Variants in PPFIBP1 observed in about 807,000 individuals in gnomAD.
The protein encoded by PPFIBP1 is liprin-beta-1.
In PPFIBP1, 112 loss-of-function variants were observed where a neutral mutation model predicts 137.8. That is an observed-to-expected ratio of 0.81 (90% CI 0.70 to 0.95). The LOEUF (loss-of-function observed/expected upper bound fraction) is 0.95. Among genes scored for constraint, PPFIBP1 ranks in the 40% least tolerant of loss-of-function variants. The pLI is 0.00. For synonymous variants in PPFIBP1, 378 were observed against 417.3 expected (o/e 0.91, Z 1.15); for missense variants, 1,083 against 1,196.6 (o/e 0.91, Z 1.40).
intron 1 of PPFIBP1, among the ~76,000 whole-genome samples, chr12:27,551,826 A>G (rs1946809915): frequency 6.6e-6 from 1 of 152,260 alleles, no homozygotes; most frequent in Non-Finnish European, 1.5e-5. Flanking sequence ...TTGAAATAAA[A>G]CAGTATGTTT....
At chr12:27,655,781 A>C (rs1014301538) in intron 8 of PPFIBP1, among the ~76,000 whole-genome samples, 1 of 152,244 alleles carries the variant, frequency 6.6e-6, no homozygotes, top group African/African-American at 2.4e-5. Flanking sequence ...ACATCTTCTC[A>C]TAGTACTAAA....
intron 1 of PPFIBP1, among the ~76,000 whole-genome samples, chr12:27,562,736 T>C (rs1351026): frequency 0.28 from 42,132 of 152,030 alleles, 6,253 homozygotes; most frequent in East Asian, 0.43. Flanking sequence ...ATTCTCCCAT[T>C]GCCAGCTCTT....
At chr12:27,590,185 GT>G (rs113518738) in intron 2 of PPFIBP1, among the ~76,000 whole-genome samples, 39,240 of 151,306 alleles carry the variant, frequency 0.26, 5,257 homozygotes, top group Middle Eastern at 0.32. Context: ...TGTTTTTTTT[GT>G]TTTTTTTGAG....
chr12:27,603,877 C>T (rs1447068891), intron 2 of PPFIBP1, among the ~76,000 whole-genome samples: 1 of 152,078 alleles, frequency 6.6e-6, no homozygotes, highest in African/African-American at 2.4e-5. Context: ...AGACAACCCC[C>T]TTGGTGGGAA....
rs1276338393 is a variant in PPFIBP1, at chr12:27,687,348, C to G, written c.2248-37C>G. The G allele has an allele frequency of 1.9e-6, 3 of 1,608,662 alleles. No individual in the cohort carries two copies. In the South Asian group the frequency reaches 3.3e-5, roughly 18 times the overall value. The stretch of plus-strand genomic sequence containing the variant: ...CTAAGAAAGTCCTCCTGCTACAGGC[C>G]AGCACAGTGAGCTCCTCCTTTTGTT... On this transcript the variant is annotated intron_variant, in intron 24 of 29. Coordinates refer to ENST00000228425, the MANE Select transcript of PPFIBP1 (RefSeq NM_003622.4).
intron 1 of PPFIBP1, among the ~76,000 whole-genome samples, chr12:27,541,357 A>G (rs975558242): frequency 6.6e-6 from 1 of 152,128 alleles, no homozygotes; most frequent in East Asian, 1.9e-4. Flanking sequence ...TTCCCTTGAT[A>G]GAAGTGAGCT....
chr12:27,646,403 C>T (rs1398253328), intron 5 of PPFIBP1: 8 of 435,122 alleles, frequency 1.8e-5, no homozygotes, highest in Non-Finnish European at 3.4e-5. Context: ...GTTGTCTGAT[C>T]TGTTCTTTTT....
chr12:27,580,777 G>A (rs1458968556), intron 2 of PPFIBP1, among the ~76,000 whole-genome samples: 1 of 152,198 alleles, frequency 6.6e-6, no homozygotes, highest in African/African-American at 2.4e-5. Context: ...CCTCCCCAGG[G>A]TGAGTCAGTG....
At chr12:27,656,528 T>C in intron 8 of PPFIBP1, 88 bp from the exon 9 acceptor site, 1 of 809,218 alleles carries the variant, frequency 1.2e-6, no homozygotes, top group Non-Finnish European at 2.1e-6. Context: ...TCATAAAACC[T>C]GATTATTGAT....
intron 6 of PPFIBP1, among the ~76,000 whole-genome samples, chr12:27,648,993 A>G (rs963978149): frequency 6.6e-6 from 1 of 152,220 alleles, no homozygotes; most frequent in Non-Finnish European, 1.5e-5. Flanking sequence ...AAATAAGAAT[A>G]TAACTGGATA....
At chr12:27,545,976 G>A (rs1295140067) in intron 1 of PPFIBP1, among the ~76,000 whole-genome samples, 2 of 152,182 alleles carry the variant, frequency 1.3e-5, no homozygotes, top group African/African-American at 4.8e-5. Flanking sequence ...CTCCATTAAT[G>A]GAGGGTCTGG....
intron 2 of PPFIBP1, chr12:27,593,348 G>A (rs915505428): frequency 9.7e-6 from 4 of 414,490 alleles, no homozygotes; most frequent in African/African-American, 8.4e-5. Context: ...AAGATTCTGT[G>A]GTTCAACCCA....
intron 2 of PPFIBP1, among the ~76,000 whole-genome samples, chr12:27,591,379 C>T (rs974251299): frequency 1.3e-4 from 19 of 151,958 alleles, no homozygotes; most frequent in Admixed American, 6.6e-5. Context: ...GCTGAGGGCA[C>T]CTTCCTCAAA....
intron 1 of PPFIBP1, among the ~76,000 whole-genome samples, chr12:27,553,272 A>G (rs555749052): frequency 3.3e-5 from 5 of 152,242 alleles, no homozygotes; most frequent in African/African-American, 1.2e-4. Flanking sequence ...GGCCCTCAAC[A>G]ATGCCACCAC....
At chr12:27,630,158 G>T (rs1565900273) in intron 2 of PPFIBP1, among the ~76,000 whole-genome samples, 1 of 151,782 alleles carries the variant, frequency 6.6e-6, no homozygotes, top group Non-Finnish European at 1.5e-5. Flanking sequence ...GGGACAAACA[G>T]AAAAGAAATA....
chr12:27,606,974 C>T, intron 2 of PPFIBP1, among the ~76,000 whole-genome samples: 1 of 152,106 alleles, frequency 6.6e-6, no homozygotes, highest in East Asian at 1.9e-4. Context: ...AAATGCAAAT[C>T]CCTGTGCCCC....
intron 2 of PPFIBP1, chr12:27,593,987 T>C (rs1271540318): frequency 2.9e-6 from 4 of 1,387,680 alleles, no homozygotes; most frequent in African/African-American, 3.0e-5. Context: ...CAGGTTGGAA[T>C]TGGATTTGGA....
intron 1 of PPFIBP1, among the ~76,000 whole-genome samples, chr12:27,562,591 A>G (rs1242015805): frequency 6.6e-6 from 1 of 152,186 alleles, no homozygotes; most frequent in Non-Finnish European, 1.5e-5. Context: ...TAATCCTGTT[A>G]GCAACTTTAA....
chr12:27,669,929 T>C (rs1593265678), intron 13 of PPFIBP1, among the ~76,000 whole-genome samples: 1 of 152,216 alleles, frequency 6.6e-6, no homozygotes, highest in Admixed American at 6.5e-5. Flanking sequence ...AGCTCAAGGG[T>C]TGGTGGACTT....
Sources: allele counts gnomAD v4.1 joint callset (sites outside exome capture counted in the v4.1 genomes callset), GRCh38; gene constraint gnomAD v4.1.1; transcripts MANE v1.5; gene names NCBI Gene and HGNC (gene_info 2026-07-23, HGNC 2026-07-21).